The following F5 variants were observed in gnomAD, a reference collection of about 807,000 sequenced individuals.
F5 encodes coagulation factor V.
Under a neutral mutation model 216.4 loss-of-function variants are expected in F5, and 138 were observed. The ratio of observed to expected loss-of-function variants is 0.64; its 90% CI spans 0.56 to 0.73. The LOEUF (loss-of-function observed/expected upper bound fraction) is 0.73. Among genes scored for constraint, F5 ranks in the 30% least tolerant of loss-of-function variants. The pLI is 0.00. For synonymous variants in F5, 916 were observed against 930.7 expected (o/e 0.98, Z 0.29); for missense variants, 2,403 against 2,674.0 (o/e 0.90, Z 2.24).
intron 2 of F5, among the ~76,000 whole-genome samples, chr1:169,581,632 G>A (rs566903183): frequency 3.3e-5 from 5 of 152,194 alleles, no homozygotes; most frequent in African/African-American, 1.2e-4. Context: ...ATCTGATTGG[G>A]GAAAGGGACA....
At chr1:169,552,762 C>A (rs1449543348) in intron 7 of F5, 28 bp from the exon 8 acceptor site, 1 of 1,543,928 alleles carries the variant, frequency 6.5e-7, no homozygotes, top group African/African-American at 1.4e-5. Context: ...AAAAATTAAA[C>A]CACTTTCTCA....
At position 169,535,624 on chromosome 1, in the gene F5, A is replaced by C. The variant is rs147455635; in HGVS notation, c.4971+882T>G. On this transcript the variant is annotated intron_variant, in intron 14 of 24. Transcript: ENST00000367797. ...ATCTCCCATTTGTAAGTGAGAACAT[A>C]CAGTGTCTGGTTTTTGATTCCTGAG... Among the ~76,000 whole-genome samples the C allele has an allele frequency of 2.6e-3, 390 of 152,260 alleles. 2 individuals are homozygous for C. The highest frequency in any genetic ancestry group is 8.5e-3 in the African/African-American group (353 of 41,570).
At chr1:169,563,611 G>A (rs1660530139) in intron 3 of F5, among the ~76,000 whole-genome samples, 1 of 151,934 alleles carries the variant, frequency 6.6e-6, no homozygotes, top group South Asian at 2.1e-4. Context: ...TTCATCCAGT[G>A]TTTGTTGTAT....
Position 169,561,312 on chromosome 1 carries a change from C to T in F5, c.374-546G>A, listed in dbSNP as rs536976348. On this transcript the variant is annotated intron_variant, in intron 3 of 24. Transcript: ENST00000367797. ...TTCCCCCGAGCCACAGCGTCTAACT[C>T]CCCTATGCAGGCTGGTTGTCTGTAT... is the stretch of plus-strand genomic sequence containing the variant. Among the ~76,000 whole-genome samples, 10 of 152,092 alleles carry T rather than the reference C, an allele frequency of 6.6e-5. No homozygotes were observed. In the East Asian group the frequency reaches 1.9e-3, roughly 29 times the overall value.
intron 2 of F5, among the ~76,000 whole-genome samples, chr1:169,576,303 G>C (rs1660848638): frequency 6.6e-6 from 1 of 152,184 alleles, no homozygotes; most frequent in Non-Finnish European, 1.5e-5. Context: ...CCCTACCCCT[G>C]TCTTGCCACC....
chr1:169,570,554 G>C (rs561625438), intron 3 of F5, among the ~76,000 whole-genome samples: 121 of 152,206 alleles, frequency 7.9e-4, no homozygotes, highest in African/African-American at 2.7e-3. Context: ...CACAGTTAAT[G>C]CTTCATTGTT....
Position 169,518,396 on chromosome 1 carries a change from A to G in F5, c.6345+16T>C, listed in dbSNP as rs761745537. The G allele has an allele frequency of 3.7e-6, 6 of 1,613,330 alleles. No homozygotes were observed. The highest frequency in any genetic ancestry group is 2.7e-5 in the African/African-American group (2 of 74,830). On this transcript the variant is annotated intron_variant, in intron 23 of 24. Transcript: ENST00000367797. ...CTGGAGCCCTAAGAGAACACCATGC[A>G]TAGAGTATACTTGACCTTGGCTTGC...
intron 21 of F5, 102 bp from the exon 22 acceptor site, chr1:169,520,766 G>A: frequency 1.0e-6 from 1 of 976,942 alleles, no homozygotes; most frequent in Non-Finnish European, 1.6e-6. Flanking sequence ...ACATTTTCAT[G>A]GGGTCCAAAC....
At chr1:169,575,828 G>A (rs114646797) in intron 2 of F5, among the ~76,000 whole-genome samples, 2,360 of 152,142 alleles carry the variant, frequency 0.016, 61 homozygotes, top group African/African-American at 0.054. Flanking sequence ...AGATGTCCAC[G>A]TCCTAATCTC....
In F5 at chr1:169,555,725, ATTG is replaced by A. The variant is rs1377953833; in HGVS notation, c.953-381_953-379del. Reference sequence around the variant, plus strand: ...TGAAGTAGCACCAGTACCTAATAAAATTGTTGTTAAAAATTAAATATTAATAAC... The same window carrying A: ...TGAAGTAGCACCAGTACCTAATAAAATTGTTAAAAATTAAATATTAATAAC... On this transcript the variant is annotated intron_variant, in intron 6 of 24. Transcript: ENST00000367797. Among the ~76,000 whole-genome samples, 7 of 151,676 alleles carry A rather than the reference ATTG, an allele frequency of 4.6e-5. No individual in the cohort carries two copies. In the South Asian group the frequency reaches 1.0e-3, roughly 23 times the overall value.
chr1:169,541,889 C>A lies in F5; in HGVS notation c.3201G>T (p.Ser1067=), dbSNP rs531459391. Residue 1067 remains serine (S), a synonymous_variant, in exon 13 of 25, where the codon TCG becomes TCT. Coordinates refer to ENST00000367797, the MANE Select transcript of F5 (RefSeq NM_000130.5). The part of the protein sequence containing the change: ...NTFSERRLKH[S]LVLHKSNETS... ...TTTCATTGGATTTATGAAGCACCAA[C>A]GAATGCTTAAGTCTTCTTTCTGAAA... is the stretch of plus-strand genomic sequence containing the variant. 6.2e-7 allele frequency: 1 copy of A among 1,614,100 alleles called. No individual in the cohort carries two copies. Among genetic ancestry groups the A allele is most frequent in the Non-Finnish European group, 8.5e-7 (1 of 1,179,984 alleles).
chr1:169,586,336 G>C lies in F5; in HGVS notation c.51C>G (p.Ser17Arg). The change falls in exon 1 of 25, where the codon AGC (serine) becomes AGG (arginine). Residue 17 changes from serine to arginine, a missense_variant. Coordinates refer to ENST00000367797, the MANE Select transcript of F5 (RefSeq NM_000130.5). ...TCCCTTGGCTCCCCCAGCCTACCCA[G>C]CTGGTGCCCAAGACCACCAGGACCC... ...RLWVLVVLGT[S>R]WVGWGSQGTE... The C allele has an allele frequency of 6.2e-7, 1 of 1,614,060 alleles. No homozygotes were observed. Among genetic ancestry groups the C allele is most frequent in the Non-Finnish European group, 8.5e-7 (1 of 1,180,016 alleles).
At chr1:169,554,245 T>C (rs1660258199) in intron 7 of F5, among the ~76,000 whole-genome samples, 1 of 97,776 alleles carries the variant, frequency 1.0e-5, no homozygotes, top group South Asian at 3.0e-4. Context: ...GTCTTACAAA[T>C]AAGAAAATAT....
rs1427428466 is a variant in F5 at position 169,542,891 on chromosome 1, T to C, written c.2199A>G (p.Ala733=). 2 of 1,614,010 alleles carry C rather than the reference T, an allele frequency of 1.2e-6. No homozygotes were observed. The highest frequency in any genetic ancestry group is 2.2e-5 in the East Asian group (1 of 44,900). The stretch of plus-strand genomic sequence containing the variant: ...AGTTTCGGAATGACCTGATTCCTAA[T>C]GCTGCAGCCAGTCTGTTCTGGTAAT... ...DYDYQNRLAA[A]LGIRSFRNSS... Residue 733 remains alanine, a synonymous_variant, in exon 13 of 25, where the codon GCA becomes GCG. Transcript: ENST00000367797.
intron 12 of F5, among the ~76,000 whole-genome samples, chr1:169,543,368 A>G (rs1224720767): frequency 2.6e-5 from 4 of 152,220 alleles, no homozygotes; most frequent in African/African-American, 7.2e-5. Flanking sequence ...CTCTAAGCAC[A>G]TGACCAGTGC....
At chr1:169,574,090 T>A (rs546003465) in intron 2 of F5, among the ~76,000 whole-genome samples, 1 of 152,280 alleles carries the variant, frequency 6.6e-6, no homozygotes, top group South Asian at 2.1e-4. Flanking sequence ...TTAAAGATGA[T>A]TTAAAGTATA....
chr1:169,547,662 A>C (rs929933351), intron 10 of F5, among the ~76,000 whole-genome samples: 5 of 152,308 alleles, frequency 3.3e-5, no homozygotes, highest in Middle Eastern at 3.4e-3. Flanking sequence ...ACCAATAAGA[A>C]TGGCTATTAT....
At chr1:169,557,192 G>A (rs557202059) in intron 5 of F5, among the ~76,000 whole-genome samples, 1 of 152,308 alleles carries the variant, frequency 6.6e-6, no homozygotes, top group South Asian at 2.1e-4. Context: ...CGACTGTTCT[G>A]GTCTGAGGGG....
chr1:169,559,447 T>A, intron 4 of F5, 151 bp from the exon 5 acceptor site: 1 of 825,094 alleles, frequency 1.2e-6, no homozygotes, highest in Non-Finnish European at 2.0e-6. Flanking sequence ...ATTTATCAAG[T>A]AATAATGGTT....
Sources: gnomAD v4.1 joint callset for allele counts (sites outside exome capture counted in the v4.1 genomes callset) on GRCh38, gnomAD v4.1.1 for gene constraint, MANE v1.5 for transcripts, NCBI Gene and HGNC (gene_info 2026-07-23, HGNC 2026-07-21) for gene names.